The following DSG3 variants were observed in gnomAD, a reference collection of about 807,000 sequenced individuals.
DSG3 encodes desmoglein-3.
Under a neutral mutation model 85.9 loss-of-function variants are expected in DSG3, and 63 were observed. That is an observed-to-expected ratio of 0.73 (90% confidence interval 0.60 to 0.90). The LOEUF is 0.90. DSG3 is among the 40% of genes least tolerant of loss of function. The pLI is 0.00. For synonymous variants in DSG3, 447 were observed against 441.9 expected (o/e 1.01, Z -0.14); for missense variants, 1,220 against 1,219.9 (o/e 1.00, Z 0.00).
At chr18:31,449,985 A>T (rs930338606) in intron 1 of DSG3, among the ~76,000 whole-genome samples, 1 of 152,358 alleles carries the variant, frequency 6.6e-6, no homozygotes, top group East Asian at 1.9e-4. Context: ...TGTTGATTAC[A>T]TGTTGAAATG....
At chr18:31,474,472 A>G (rs367953504) in intron 15 of DSG3, 68 bp downstream of exon 15, 2 of 1,505,658 alleles carry the variant, frequency 1.3e-6, no homozygotes, top group South Asian at 1.3e-5. Flanking sequence ...ATTTGATTAT[A>G]TACTTCAGTT....
rs1030641018 is a variant in DSG3, at chr18:31,476,512, G to A, written c.*252G>A. On this transcript the variant is annotated 3_prime_UTR_variant, in exon 16 of 16. Transcript: ENST00000257189. ...TTTTCAAAACCCTAAAATCATATTCGCCAGGAAATTTTCCTAAACATTCTT... is the reference window on the plus strand; with the variant it reads ...TTTTCAAAACCCTAAAATCATATTCACCAGGAAATTTTCCTAAACATTCTT... 1.9e-5 allele frequency: 7 copies of A among 366,016 alleles called. No homozygotes were observed. Among genetic ancestry groups the A allele is most frequent in the Middle Eastern group, 7.1e-4 (1 of 1,410 alleles). 22.7% of individuals were successfully genotyped at this position (366,016 alleles called of 1,614,324 possible). A position where few individuals can be genotyped will look rare whatever the true frequency, so the allele number is the denominator to read the frequency against.
intron 12 of DSG3, among the ~76,000 whole-genome samples, chr18:31,471,828 G>A (rs2072857245): frequency 1.3e-5 from 2 of 152,188 alleles, no homozygotes; most frequent in Non-Finnish European, 2.9e-5. Flanking sequence ...TTTACTGAGA[G>A]ATAATTAGAG....
rs894198418 is a variant in DSG3, at chr18:31,469,146, C to T, written c.1694C>T (p.Ser565Phe). The change falls in exon 12 of 16, where the codon TCC (serine) becomes TTC (phenylalanine). Residue 565 changes from serine (S) to phenylalanine (F), a missense_variant. Coordinates refer to ENST00000257189, the MANE Select transcript of DSG3 (RefSeq NM_001944.3). ...ATACCTCCTGGAGTATACCACATCT[C>T]CCTGGTACTTACAGACAGTCAGAAC... ...EQIPPGVYHI[S>F]LVLTDSQNNR... The T allele has an allele frequency of 6.2e-7, 1 of 1,614,106 alleles. No individual in the cohort carries two copies. Among genetic ancestry groups the T allele is most frequent in the African/African-American group, 1.3e-5 (1 of 74,934 alleles).
At chr18:31,450,095 T>C (rs1296925223) in intron 1 of DSG3, among the ~76,000 whole-genome samples, 1 of 152,220 alleles carries the variant, frequency 6.6e-6, no homozygotes, top group Non-Finnish European at 1.5e-5. Flanking sequence ...TAATTATATG[T>C]GGTTCGCATT....
intron 14 of DSG3, among the ~76,000 whole-genome samples, chr18:31,473,920 G>A (rs1044232005): frequency 7.2e-5 from 11 of 152,056 alleles, no homozygotes; most frequent in African/African-American, 2.2e-4. Flanking sequence ...TATTTTTAGA[G>A]CTTTTTCACC....
chr18:31,452,816 T>C (rs2072719700), intron 1 of DSG3, among the ~76,000 whole-genome samples: 1 of 152,174 alleles, frequency 6.6e-6, no homozygotes, highest in Admixed American at 6.5e-5. Context: ...CAGAATCCAG[T>C]ATCCAATTTT....
At chr18:31,455,853 CAG>C (rs1281248201) in intron 1 of DSG3, among the ~76,000 whole-genome samples, 5 of 152,190 alleles carry the variant, frequency 3.3e-5, no homozygotes, top group Admixed American at 2.6e-4. Flanking sequence ...TCACTGCAAA[CAG>C]GGTTTGTGAT....
At position 31,448,459 on chromosome 18, in the gene DSG3, G is replaced by A. The variant is rs2072691820; in HGVS notation, c.48+534G>A. ...AAGTATTTATGTTTAGCTATTATGT[G>A]CCAAAAGAAAATGTCAGCCTTTGGG... On this transcript the variant is annotated intron_variant, in intron 1 of 15. Coordinates refer to ENST00000257189, the MANE Select transcript of DSG3 (RefSeq NM_001944.3). Among the ~76,000 whole-genome samples, 3 of 152,082 alleles carry A rather than the reference G, an allele frequency of 2.0e-5. No individual in the cohort carries two copies. The South Asian group carries it at 6.2e-4, about 31-fold the overall frequency.
intron 11 of DSG3, 27 bp downstream of exon 11, chr18:31,466,781 A>C (rs1568089857): frequency 1.3e-6 from 2 of 1,575,074 alleles, no homozygotes; most frequent in Non-Finnish European, 8.7e-7. Context: ...TTGCTTCTAT[A>C]AATGCAAACT....
chr18:31,450,903 C>T (rs1487858739), intron 1 of DSG3, among the ~76,000 whole-genome samples: 1 of 152,108 alleles, frequency 6.6e-6, no homozygotes, highest in Admixed American at 6.6e-5. Flanking sequence ...TTGTGTCTTA[C>T]TATCTTAAAT....
chr18:31,478,294 AG>A lies in DSG3; in HGVS notation c.*2037del, dbSNP rs1356511312. 1.3e-5 allele frequency: 2 copies of A among 152,182 alleles called. No homozygotes were observed. Among genetic ancestry groups the A allele is most frequent in the African/African-American group, 4.8e-5 (2 of 41,442 alleles). 9.4% of individuals were successfully genotyped at this position (152,182 alleles called of 1,614,324 possible). On this transcript the variant is annotated 3_prime_UTR_variant, in exon 16 of 16. Coordinates refer to ENST00000257189, the MANE Select transcript of DSG3 (RefSeq NM_001944.3). ...TAACTTGTGCCTCTGCTTATGCATG[AG>A]GGTTAAATTAACAACCATAACCTTC...
chr18:31,476,260 A>G lies in DSG3; in HGVS notation c.3000A>G (p.Ter1000TrpextTer3). The change falls in exon 16 of 16, where the codon TGA becomes TGG. Residue 1000 changes from the stop codon to tryptophan, a stop_lost. Coordinates refer to ENST00000257189, the MANE Select transcript of DSG3 (RefSeq NM_001944.3). ...CTEDPCSRLI[*>W] The stretch of plus-strand genomic sequence containing the variant: ...AGGATCCTTGCTCCCGTCTAATATG[A>G]CCAGAATGAGCTGGAATACCACACT... 6.2e-7 allele frequency: 1 copy of G among 1,601,524 alleles called. No individual in the cohort carries two copies. Among genetic ancestry groups the G allele is most frequent in the Non-Finnish European group, 8.5e-7 (1 of 1,172,986 alleles).
chr18:31,461,815 G>A (rs1212189253), intron 8 of DSG3, among the ~76,000 whole-genome samples: 2 of 152,142 alleles, frequency 1.3e-5, no homozygotes, highest in Non-Finnish European at 2.9e-5. Context: ...TTGCCCATTC[G>A]TCAATCGGTT....
chr18:31,464,445 C>T (rs912394636), intron 9 of DSG3, 63 bp downstream of exon 9: 4 of 1,473,750 alleles, frequency 2.7e-6, no homozygotes, highest in Admixed American at 2.1e-5. Flanking sequence ...GCTATCACAA[C>T]ATAACACATA....
chr18:31,468,195 G>A (rs2072833623), intron 11 of DSG3, among the ~76,000 whole-genome samples: 1 of 152,240 alleles, frequency 6.6e-6, no homozygotes, highest in Non-Finnish European at 1.5e-5. Context: ...TCAGGACTCA[G>A]ATAGGCAATA....
Position 31,460,853 on chromosome 18 carries a change from G to A in DSG3, c.705G>A (p.Leu235=). Residue 235 remains leucine (L), a synonymous_variant, in exon 7 of 16, where the codon CTG becomes CTA. Transcript: ENST00000257189. ...LDREQASSYR[L]VVSGADKDGE... Reference sequence around the variant, plus strand: ...ATTAGCAAGCTAGCAGCTATCGTCTGGTTGTGAGTGGTGCAGACAAAGATG... The same window carrying A: ...ATTAGCAAGCTAGCAGCTATCGTCTAGTTGTGAGTGGTGCAGACAAAGATG... The A allele has an allele frequency of 6.3e-7, 1 of 1,588,556 alleles. No individual in the cohort carries two copies. Among genetic ancestry groups the A allele is most frequent in the African/African-American group, 1.4e-5 (1 of 73,148 alleles).
chr18:31,458,588 T>G lies in DSG3; in HGVS notation c.360T>G (p.Thr120=). 6.2e-7 allele frequency: 1 copy of G among 1,613,080 alleles called. No individual in the cohort carries two copies. The highest frequency in any genetic ancestry group is 8.5e-7 in the Non-Finnish European group (1 of 1,179,390). ...NITAIVDREE[T]PSFLITCRAL... is the part of the protein sequence containing the mutation. ...CAGCTATAGTCGACCGGGAGGAAAC[T>G]CCAAGCTTCCTGGTAAGTTTGGGTC... The change falls in exon 4 of 16, where the codon ACT becomes ACG. Residue 120 remains threonine, a synonymous_variant. Transcript: ENST00000257189.
rs1352368637 is a variant in DSG3, at chr18:31,476,907, C to T, written c.*647C>T. ...CCGGGAAGCGGAGCTTGCAGTGAGC[C>T]GAGATTGCGCCACTGCAGTCCGCAG... is the stretch of plus-strand genomic sequence containing the variant. On this transcript the variant is annotated 3_prime_UTR_variant, in exon 16 of 16. Coordinates refer to ENST00000257189, the MANE Select transcript of DSG3 (RefSeq NM_001944.3). 4.1e-5 allele frequency: 6 copies of T among 147,226 alleles called. No individual in the cohort carries two copies. The highest frequency in any genetic ancestry group is 1.0e-4 in the African/African-American group (4 of 39,626). The allele number at this position is 147,226 out of a possible 1,614,324, so 9.1% of individuals were successfully genotyped here.
Sources: allele counts gnomAD v4.1 joint callset (sites outside exome capture counted in the v4.1 genomes callset), GRCh38; gene constraint gnomAD v4.1.1; transcripts MANE v1.5; gene names NCBI Gene and HGNC (gene_info 2026-07-23, HGNC 2026-07-21).